TTI2: variants seen among roughly 807,000 people sequenced by gnomAD.
TTI2 encodes the protein TELO2-interacting protein 2.
A neutral mutation model predicts 44.9 loss-of-function variants in TTI2; 26 were observed. That is an observed-to-expected ratio of 0.58 (90% CI 0.42 to 0.80). The LOEUF is 0.80. TTI2 is among the 30% of genes least tolerant of loss of function. The pLI is 0.00. For synonymous variants in TTI2, 254 were observed against 250.9 expected, an observed-to-expected ratio of 1.01 and a Z score of -0.12; for missense variants, 582 against 611.6, an observed-to-expected ratio of 0.95 and a Z score of 0.51.
At chr8:33,510,127 A>C (rs1276448882) in intron 2 of TTI2, among the ~76,000 whole-genome samples, 195 bp from the exon 3 acceptor site, 1 of 152,152 alleles carries the variant, frequency 6.6e-6, no homozygotes, top group Non-Finnish European at 1.5e-5. Context: ...ACTTACACCA[A>C]ATAATCATCC....
chr8:33,512,416 C>T lies in TTI2; in HGVS notation c.198G>A (p.Arg66=). The T allele has an allele frequency of 6.2e-7, 1 of 1,614,086 alleles. No individual in the cohort carries two copies. The highest frequency in any genetic ancestry group is 8.5e-7 in the Non-Finnish European group (1 of 1,179,946). ...GCCGTGCACCAGTCCCCTCAAATAA[C>T]CTATCAAATTCTGTGGCTTCTATTA... ...GDLIEATEFD[R]LFEGTGARLR... The change falls in exon 2 of 8, where the codon AGG becomes AGA. Residue 66 remains arginine, a synonymous_variant. Coordinates refer to ENST00000431156, the MANE Select transcript of TTI2 (RefSeq NM_001102401.4).
chr8:33,506,753 C>T (rs1809312271), intron 4 of TTI2, among the ~76,000 whole-genome samples: 2 of 150,398 alleles, frequency 1.3e-5, no homozygotes, highest in South Asian at 2.1e-4. Flanking sequence ...AGTGCAGTGA[C>T]GTGACCTCAG....
chr8:33,507,209 TGAA>T lies in TTI2; in HGVS notation c.927+17_927+19del, dbSNP rs768547651. On this transcript the variant is annotated intron_variant, in intron 4 of 7. Transcript: ENST00000431156. Reference sequence around the variant, plus strand: ...AATTCAGAGAATCCAGACCCAGTTATGAAGAAATCATACTATTACCTGAATGAG... The same window carrying T: ...AATTCAGAGAATCCAGACCCAGTTATGAAATCATACTATTACCTGAATGAG... 19 of 1,605,996 alleles carry T rather than the reference TGAA, an allele frequency of 1.2e-5. No individual in the cohort carries two copies. In the South Asian group the frequency reaches 1.7e-4, roughly 14 times the overall value.
intron 3 of TTI2, among the ~76,000 whole-genome samples, chr8:33,507,719 C>T (rs2128829509): frequency 6.6e-6 from 1 of 152,138 alleles, no homozygotes; most frequent in Middle Eastern, 3.4e-3. Context: ...AGCATGGTGA[C>T]TCACACCTGT....
chr8:33,510,243 G>T (rs892405406), intron 2 of TTI2, among the ~76,000 whole-genome samples: 1 of 152,136 alleles, frequency 6.6e-6, no homozygotes, highest in Non-Finnish European at 1.5e-5. Flanking sequence ...AGAAGGGAGG[G>T]AGGAGTAAAG....
In TTI2 at chr8:33,505,546, A is replaced by G. The variant is rs573727108; in HGVS notation, c.928-1611T>C. On this transcript the variant is annotated intron_variant, in intron 4 of 7. Transcript: ENST00000431156. Reference sequence around the variant, plus strand: ...CTCTCGTTGCCCAGGCTGGAGGGCAATGGCATGATCTCGGCTCACTGCAAC... The same window carrying G: ...CTCTCGTTGCCCAGGCTGGAGGGCAGTGGCATGATCTCGGCTCACTGCAAC... 2.0e-5 allele frequency among the ~76,000 whole-genome samples: 3 copies of G among 151,636 alleles called. No individual in the cohort carries two copies. The East Asian group carries it at 5.9e-4, about 30-fold the overall frequency.
intron 6 of TTI2, among the ~76,000 whole-genome samples, 198 bp downstream of exon 6, chr8:33,503,231 T>G (rs1173802425): frequency 6.6e-6 from 1 of 152,126 alleles, no homozygotes; most frequent in Non-Finnish European, 1.5e-5. Context: ...GAGTCAACTA[T>G]GAGCACCTCA....
Position 33,512,275 on chromosome 8 carries a change from T to G in TTI2, c.339A>C (p.Ala113=), listed in dbSNP as rs1303651861. The change falls in exon 2 of 8, where the codon GCA becomes GCC. Residue 113 remains alanine, a synonymous_variant. Coordinates refer to ENST00000431156, the MANE Select transcript of TTI2 (RefSeq NM_001102401.4). ...GDGHSEAAEK[A]AQVGLLFLKL... ...TAAGAAACAGTAACCCAACTTGGGC[T>G]GCTTTCTCGGCCGCTTCGGAGTGCC... 1.9e-6 allele frequency: 3 copies of G among 1,614,218 alleles called. No homozygotes were observed. The South Asian group carries it at 3.3e-5, about 18-fold the overall frequency.
Position 33,503,793 on chromosome 8 carries a change from A to T in TTI2, c.1070T>A (p.Leu357His). 3 of 1,614,104 alleles carry T rather than the reference A, an allele frequency of 1.9e-6. No individual in the cohort carries two copies. Among genetic ancestry groups the T allele is most frequent in the Non-Finnish European group, 2.5e-6 (3 of 1,180,018 alleles). Reference sequence around the variant, plus strand: ...GTTTCTTGCGTAGGTCCTGCGTAAAAGAAGGCGGTGCTCTGGCTCCATGTG... The same window carrying T: ...GTTTCTTGCGTAGGTCCTGCGTAAATGAAGGCGGTGCTCTGGCTCCATGTG... ...LTHMEPEHRL[L>H]LRRTYARNLP... is the part of the protein sequence containing the mutation. Residue 357 changes from leucine to histidine, a missense_variant, in exon 5 of 8, where the codon CTT becomes CAT. By Grantham distance (99) the Leu-to-His change is moderately conservative. Coordinates refer to ENST00000431156, the MANE Select transcript of TTI2 (RefSeq NM_001102401.4).
intron 2 of TTI2, among the ~76,000 whole-genome samples, chr8:33,511,034 A>G (rs1809508959): frequency 6.6e-6 from 1 of 152,030 alleles, no homozygotes; most frequent in Non-Finnish European, 1.5e-5. Flanking sequence ...TCCCCCATCC[A>G]AATTCTAGTA....
At chr8:33,508,840 G>A (rs974839978) in intron 3 of TTI2, among the ~76,000 whole-genome samples, 10 of 151,450 alleles carry the variant, frequency 6.6e-5, no homozygotes, top group Non-Finnish European at 1.0e-4. Flanking sequence ...TTTTGTTTTC[G>A]TCCTTGAAAC....
In TTI2 at chr8:33,500,491, C is replaced by G. The variant is rs1415306007; in HGVS notation, c.1260-1G>C. 1.9e-6 allele frequency: 3 copies of G among 1,613,902 alleles called. No individual in the cohort carries two copies. Among genetic ancestry groups the G allele is most frequent in the Admixed American group, 1.7e-5 (1 of 59,990 alleles). ...TAAGACCACAAGTCTGCAGGAAACT[C>G]TGGAATCAGGAAGAAAAGCTATGTT... On this transcript the variant is annotated splice_acceptor_variant, in intron 6 of 7. Transcript: ENST00000431156. LOFTEE classifies it high-confidence loss of function.
chr8:33,500,411 G>A lies in TTI2; in HGVS notation c.1339C>T (p.Pro447Ser), dbSNP rs763002279. The A allele has an allele frequency of 1.2e-6, 2 of 1,614,184 alleles. No homozygotes were observed. The highest frequency in any genetic ancestry group is 3.3e-5 in the Admixed American group (2 of 60,018). The change falls in exon 7 of 8, where the codon CCT becomes TCT. Residue 447 changes from proline to serine, a missense_variant. Pro to Ser is a moderately conservative substitution (Grantham distance 74, BLOSUM62 -1). Coordinates refer to ENST00000431156, the MANE Select transcript of TTI2 (RefSeq NM_001102401.4). ...AGCAGGGCGCTCTTAACAGACTCAG[G>A]TGTAAGGTTTGGATCCCTTGCTACA... is the stretch of plus-strand genomic sequence containing the variant. Reference protein sequence around the residue: ...CDVARDPNLTPESVKSALLQE... With the variant: ...CDVARDPNLTSESVKSALLQE...
intron 4 of TTI2, among the ~76,000 whole-genome samples, chr8:33,504,288 C>CTTTTTTTTTTTT (rs1563352474): frequency 1.8e-5 from 1 of 55,782 alleles, no homozygotes; most frequent in African/African-American, 7.3e-5. Context: ...GATATTTACA[C>CTTTTTTTTTTTT]ATTTTTTTTT....
At chr8:33,507,620 A>G (rs921983201) in intron 3 of TTI2, among the ~76,000 whole-genome samples, 1 of 152,064 alleles carries the variant, frequency 6.6e-6, no homozygotes, top group South Asian at 2.1e-4. Context: ...ATGGACCTAC[A>G]TAAACTGAAC....
At chr8:33,503,306 GA>G in intron 6 of TTI2, 122 bp downstream of exon 6, 1 of 1,371,230 alleles carries the variant, frequency 7.3e-7, no homozygotes, top group Non-Finnish European at 1.0e-6. Context: ...ATAGGTGTGT[GA>G]AAATGGGAGG....
Position 33,499,497 on chromosome 8 carries a change from T to C in TTI2, c.1423-220A>G, listed in dbSNP as rs113597770. ...GGTGCTACTTTAAAAACTGTGTTAA[T>C]GTACTTGCAAATCTCCTGCTGGCTC... On this transcript the variant is annotated intron_variant, in intron 7 of 7. Coordinates refer to ENST00000431156, the MANE Select transcript of TTI2 (RefSeq NM_001102401.4). 2.0e-5 allele frequency: 9 copies of C among 460,882 alleles called. 1 individual carries two copies. Among genetic ancestry groups the C allele is most frequent in the African/African-American group, 4.0e-5 (2 of 50,584 alleles). 28.5% of individuals were successfully genotyped at this position (460,882 alleles called of 1,614,324 possible).
chr8:33,508,944 C>T (rs937146984), intron 3 of TTI2, among the ~76,000 whole-genome samples: 6 of 151,598 alleles, frequency 4.0e-5, no homozygotes, highest in African/African-American at 1.2e-4. Context: ...GAGTTCGAGA[C>T]GGACGTGGCC....
At chr8:33,507,464 T>C in intron 3 of TTI2, 143 bp from the exon 4 acceptor site, 1 of 742,990 alleles carries the variant, frequency 1.3e-6, no homozygotes, top group Middle Eastern at 2.4e-4. Flanking sequence ...GTTGAAAATA[T>C]TGCAGAAACT....
Sources: gnomAD v4.1 joint callset for allele counts (sites outside exome capture counted in the v4.1 genomes callset) on GRCh38, gnomAD v4.1.1 for gene constraint, MANE v1.5 for transcripts, NCBI Gene and HGNC (gene_info 2026-07-23, HGNC 2026-07-21) for gene names.